Variants in GSTA2 observed in about 807,000 individuals in gnomAD.
GSTA2 encodes the protein glutathione S-transferase alpha 2.
In GSTA2, 27 loss-of-function variants were observed where a neutral mutation model predicts 22.4. The ratio of observed to expected loss-of-function variants is 1.21; its 90% CI spans 0.89 to 1.67. The LOEUF (loss-of-function observed/expected upper bound fraction) is 1.67, where lower values mean the gene tolerates loss of function less well. Ranked by LOEUF, GSTA2 falls within the 40% of genes most tolerant of loss-of-function variation. The pLI is 0.00. For missense variants in GSTA2, 302 were observed against 260.2 expected, an observed-to-expected ratio of 1.16 and a Z score of -1.11; for synonymous variants, 121 against 86.8, an observed-to-expected ratio of 1.39 and a Z score of -2.19.
At chr6:52,758,194 T>C (rs1358325286) in intron 1 of GSTA2, among the ~76,000 whole-genome samples, 1 of 152,148 alleles carries the variant, frequency 6.6e-6, no homozygotes, top group African/African-American at 2.4e-5. Context: ...GTTTTCACTG[T>C]TTAACTCTGA....
rs147808153 is a variant in GSTA2, at chr6:52,761,259, C to T, written c.-31+2185G>A. On this transcript the variant is annotated intron_variant, in intron 1 of 6. Transcript: ENST00000493422. ...GAGGCTCTGGACACATTGAGTAGCCCATGGATCTTCTTTCTTTGATCTATC... is the reference window on the plus strand; with the variant it reads ...GAGGCTCTGGACACATTGAGTAGCCTATGGATCTTCTTTCTTTGATCTATC... Among the ~76,000 whole-genome samples, 625 of 152,282 alleles carry T rather than the reference C, an allele frequency of 4.1e-3. 5 individuals are homozygous for T. The highest frequency in any genetic ancestry group is 0.014 in the African/African-American group (586 of 41,556).
intron 4 of GSTA2, among the ~76,000 whole-genome samples, chr6:52,753,362 T>G (rs1393447445): frequency 6.6e-6 from 1 of 152,212 alleles, no homozygotes; most frequent in Non-Finnish European, 1.5e-5. Flanking sequence ...CCATTGTGGT[T>G]TGTTCTGTGC....
chr6:52,752,298 A>C (rs1762758995), intron 5 of GSTA2, among the ~76,000 whole-genome samples: 1 of 152,234 alleles, frequency 6.6e-6, no homozygotes, highest in African/African-American at 2.4e-5. Flanking sequence ...ATAATCTGCA[A>C]GCTGAAGCGT....
At chr6:52,758,683 T>C (rs183210685) in intron 1 of GSTA2, among the ~76,000 whole-genome samples, 3 of 152,332 alleles carry the variant, frequency 2.0e-5, no homozygotes, top group Admixed American at 2.0e-4. Context: ...AAGATCCAAA[T>C]TCTTTCAAGA....
At chr6:52,759,744 C>T (rs1181710911) in intron 1 of GSTA2, among the ~76,000 whole-genome samples, 1 of 151,752 alleles carries the variant, frequency 6.6e-6, no homozygotes, top group Non-Finnish European at 1.5e-5. Context: ...GCCAGCACAC[C>T]TGGATAATTT....
rs772478820 is a variant in GSTA2 at position 52,752,919 on chromosome 6, G to T, written c.349C>A (p.Gln117Lys). ...LLLPFSQPEE[Q>K]DAKLALIQEK... The stretch of plus-strand genomic sequence containing the variant: ...TGGATCAAGGCAAGCTTGGCATCTT[G>T]TTCCTCAGGTTGACTAAAGGGCAGA... Residue 117 changes from glutamine (Q) to lysine (K), a missense_variant, in exon 5 of 7, where the codon CAA (glutamine) becomes AAA (lysine). By Grantham distance (53) the Gln-to-Lys change is moderately conservative (BLOSUM62 1). Transcript: ENST00000493422. 11 of 1,614,020 alleles carry T rather than the reference G, an allele frequency of 6.8e-6. No individual in the cohort carries two copies. The highest frequency in any genetic ancestry group is 9.3e-6 in the Non-Finnish European group (11 of 1,179,936).
chr6:52,759,988 A>G (rs1762927031), intron 1 of GSTA2, among the ~76,000 whole-genome samples: 1 of 152,208 alleles, frequency 6.6e-6, no homozygotes, highest in Non-Finnish European at 1.5e-5. Flanking sequence ...TAACCTTTGG[A>G]AAGTAAAGAA....
At chr6:52,762,920 T>C (rs1009828637) in intron 1 of GSTA2, among the ~76,000 whole-genome samples, 2 of 152,212 alleles carry the variant, frequency 1.3e-5, no homozygotes, top group Non-Finnish European at 2.9e-5. Context: ...GAGTTGGTAG[T>C]ACTCCAGAGA....
At chr6:52,758,523 C>T (rs1277544219) in intron 1 of GSTA2, among the ~76,000 whole-genome samples, 2 of 152,110 alleles carry the variant, frequency 1.3e-5, no homozygotes, top group Non-Finnish European at 1.5e-5. Flanking sequence ...GGTGAAGGCC[C>T]TGGGAACCCA....
chr6:52,751,457 TG>T (rs1232815042), intron 6 of GSTA2, 119 bp downstream of exon 6: 10 of 1,586,418 alleles, frequency 6.3e-6, no homozygotes, highest in South Asian at 1.1e-5. Flanking sequence ...TTGGAGACCT[TG>T]GGGCACCAAA....
chr6:52,753,040 G>A (rs767333868), intron 4 of GSTA2, 45 bp from the exon 5 acceptor site: 7 of 1,540,244 alleles, frequency 4.5e-6, no homozygotes, highest in Non-Finnish European at 6.1e-6. Context: ...TTTTGCCTTA[G>A]ATTTTATAGG....
rs1373243366 is a variant in GSTA2 at position 52,754,855 on chromosome 6, G to T, written c.272+88C>A. The T allele has an allele frequency of 3.2e-6, 5 of 1,571,692 alleles. No homozygotes were observed. The African/African-American group carries it at 5.4e-5, about 17-fold the overall frequency. On this transcript the variant is annotated intron_variant, in intron 4 of 6. Transcript: ENST00000493422. ...CAAGGCCCAGCCTGCTGCTGGTCTT[G>T]ATACCCTGCCATGGTCCCACCCACT...
At chr6:52,757,677 G>T (rs2608624) in intron 2 of GSTA2, among the ~76,000 whole-genome samples, 184 bp downstream of exon 2, 111,127 of 152,196 alleles carry the variant, frequency 0.73, 41,497 homozygotes, top group African/African-American at 0.88. Context: ...TAATATGTAT[G>T]CTTTTAGAGG....
At chr6:52,751,845 C>T (rs1326228795) in intron 5 of GSTA2, 137 bp from the exon 6 acceptor site, 5 of 1,242,482 alleles carry the variant, frequency 4.0e-6, no homozygotes, top group Non-Finnish European at 5.8e-6. Flanking sequence ...CGAGCTTTCT[C>T]CACATTATCT....
rs145821419 is a variant in GSTA2 at position 52,754,949 on chromosome 6, T to C, written c.266A>G (p.Lys89Arg). The C allele has an allele frequency of 7.9e-5, 128 of 1,613,620 alleles. No individual in the cohort carries two copies. In the African/African-American group the frequency reaches 1.3e-3, roughly 17 times the overall value. ...AACAGAAAATATACCGTACAGGGCT[T>C]TCTCCTTTATGTCTTTCCCATAGAG... is the stretch of plus-strand genomic sequence containing the variant. ...YNLYGKDIKE[K>R]ALIDMYIEGI... is the part of the protein sequence containing the mutation. The change falls in exon 4 of 7, where the codon AAA becomes AGA. Residue 89 changes from lysine (K) to arginine (R), a missense_variant. Physicochemically the swap from Lys to Arg is conservative, Grantham distance 26 (BLOSUM62 2). Transcript: ENST00000493422.
In GSTA2 at chr6:52,750,169, A is replaced by G. The variant is rs1199223218; in HGVS notation, c.*408T>C. 1 of 157,508 alleles carries G rather than the reference A, an allele frequency of 6.3e-6. No individual in the cohort carries two copies. The highest frequency in any genetic ancestry group is 2.4e-5 in the African/African-American group (1 of 41,496). The allele number at this position is 157,508 out of a possible 1,614,324, so 9.8% of individuals were successfully genotyped here. A position where few individuals can be genotyped will look rare whatever the true frequency, so the allele number is the denominator to read the frequency against. On this transcript the variant is annotated 3_prime_UTR_variant, in exon 7 of 7. Coordinates refer to ENST00000493422, the MANE Select transcript of GSTA2 (RefSeq NM_000846.5). ...GAAAAGAAGAAAATGTCTTTATGCC[A>G]TTATCCAGGATGGTAACTCTTCTCC...
chr6:52,757,768 C>G lies in GSTA2; in HGVS notation c.87+93G>C, dbSNP rs574472608. 87 of 1,066,044 alleles carry G rather than the reference C, an allele frequency of 8.2e-5. No homozygotes were observed. In the African/African-American group the frequency reaches 1.3e-3, roughly 16 times the overall value. 66.0% of individuals were successfully genotyped at this position (1,066,044 alleles called of 1,614,324 possible). A position where few individuals can be genotyped will look rare whatever the true frequency, so the allele number is the denominator to read the frequency against. On this transcript the variant is annotated intron_variant, in intron 2 of 6. Transcript: ENST00000493422. ...GTCCCTTTTTATTTAAGGCACAATG[C>G]TTCAGTTAGTAATCATCTCATAGTT... is the stretch of plus-strand genomic sequence containing the variant.
At chr6:52,750,864 A>G (rs1762723769) in intron 6 of GSTA2, among the ~76,000 whole-genome samples, 165 bp from the exon 7 acceptor site, 2 of 152,354 alleles carry the variant, frequency 1.3e-5, no homozygotes, top group Middle Eastern at 3.4e-3. Flanking sequence ...AGATAAGAGG[A>G]AGAACATGTA....
At chr6:52,758,109 G>A (rs1407708484) in intron 1 of GSTA2, 132 bp from the exon 2 acceptor site, 1 of 595,900 alleles carries the variant, frequency 1.7e-6, no homozygotes, top group Non-Finnish European at 2.9e-6. Flanking sequence ...TGTTGGAGGA[G>A]TTCCCGGAAT....
Sources: allele counts gnomAD v4.1 joint callset (sites outside exome capture counted in the v4.1 genomes callset), GRCh38; gene constraint gnomAD v4.1.1; transcripts MANE v1.5; gene names NCBI Gene and HGNC (gene_info 2026-07-23, HGNC 2026-07-21).